The following ASAP2 variants were observed in gnomAD, a reference collection of about 807,000 sequenced individuals.
ASAP2 encodes the protein arf-GAP with SH3 domain, ANK repeat and PH domain-containing protein 2.
In ASAP2, 45 loss-of-function variants were observed where a neutral mutation model predicts 131.4. That is an observed-to-expected ratio of 0.34 (90% CI 0.27 to 0.44). ASAP2 has a LOEUF of 0.44. Ranked by LOEUF, ASAP2 falls within the 20% of genes least tolerant of loss-of-function variation. The pLI is 1.00. For missense variants in ASAP2, 1,011 were observed against 1,297.0 expected (o/e 0.78, Z 3.39); for synonymous variants, 510 against 503.0 (o/e 1.01, Z -0.19).
intron 1 of ASAP2, among the ~76,000 whole-genome samples, chr2:9,235,517 C>T (rs1427774977): frequency 6.6e-6 from 1 of 152,134 alleles, no homozygotes; most frequent in Non-Finnish European, 1.5e-5. Flanking sequence ...TCTTGTATGG[C>T]CGGAGGCTCC....
chr2:9,279,173 G>A, intron 1 of ASAP2, 144 bp from the exon 2 acceptor site: 1 of 709,902 alleles, frequency 1.4e-6, no homozygotes, highest in Non-Finnish European at 2.5e-6. Context: ...AGGTGCCGAG[G>A]GACCTGGCAG....
chr2:9,403,152 C>T (rs1676893933), intron 27 of ASAP2, 101 bp from the exon 28 acceptor site: 1 of 943,582 alleles, frequency 1.1e-6, no homozygotes, highest in Admixed American at 2.3e-5. Context: ...GTCTTCTGAA[C>T]CAATCTTGCT....
chr2:9,229,109 G>GTA (rs1662972569), intron 1 of ASAP2, among the ~76,000 whole-genome samples: 2 of 152,116 alleles, frequency 1.3e-5, no homozygotes, highest in South Asian at 4.1e-4. Flanking sequence ...GAGAAGCGGA[G>GTA]TTTTAGTACA....
chr2:9,238,810 C>G (rs894794779), intron 1 of ASAP2, among the ~76,000 whole-genome samples: 2 of 152,216 alleles, frequency 1.3e-5, no homozygotes, highest in Non-Finnish European at 2.9e-5. Context: ...GAAAGCTTCC[C>G]TCTTGCTAAC....
intron 3 of ASAP2, among the ~76,000 whole-genome samples, chr2:9,317,563 CT>C (rs1669839722): frequency 1.8e-5 from 1 of 55,818 alleles, no homozygotes; most frequent in Non-Finnish European, 4.4e-5. Context: ...CACAATCACA[CT>C]CTCACACACC....
chr2:9,307,950 G>C (rs1412025676), intron 3 of ASAP2, among the ~76,000 whole-genome samples: 1 of 152,144 alleles, frequency 6.6e-6, no homozygotes, highest in East Asian at 1.9e-4. Flanking sequence ...GTGCTTGTCT[G>C]TGTGCATGCA....
intron 3 of ASAP2, among the ~76,000 whole-genome samples, chr2:9,298,228 C>T (rs1263591517): frequency 2.0e-5 from 3 of 152,254 alleles, no homozygotes; most frequent in Admixed American, 1.3e-4. Context: ...GTAGGCCACA[C>T]ACAACAGCAT....
At chr2:9,260,205 T>G (rs992632965) in intron 1 of ASAP2, among the ~76,000 whole-genome samples, 3 of 152,180 alleles carry the variant, frequency 2.0e-5, no homozygotes, top group Admixed American at 6.5e-5. Flanking sequence ...GAGGCCCAGG[T>G]GATCAAGTAA....
At chr2:9,210,123 A>G (rs1266377774) in intron 1 of ASAP2, among the ~76,000 whole-genome samples, 2 of 152,224 alleles carry the variant, frequency 1.3e-5, no homozygotes, top group South Asian at 2.1e-4. Context: ...CAAAGGTTAT[A>G]GAGCTCTGAA....
intron 2 of ASAP2, among the ~76,000 whole-genome samples, chr2:9,287,521 G>T (rs1262486857): frequency 6.6e-6 from 1 of 152,198 alleles, no homozygotes; most frequent in Non-Finnish European, 1.5e-5. Flanking sequence ...GTACATGAAG[G>T]GCTTTCTCTG....
intron 16 of ASAP2, among the ~76,000 whole-genome samples, chr2:9,370,548 A>T (rs1266723287): frequency 6.6e-6 from 1 of 152,184 alleles, no homozygotes; most frequent in Non-Finnish European, 1.5e-5. Context: ...GAGCCATGGG[A>T]CACCGGCAGA....
intron 16 of ASAP2, among the ~76,000 whole-genome samples, chr2:9,370,849 C>T (rs533701562): frequency 6.6e-6 from 1 of 152,148 alleles, no homozygotes; most frequent in Non-Finnish European, 1.5e-5. Context: ...GCCTGAGGGT[C>T]CCGCTTGGTG....
At position 9,216,709 on chromosome 2, in the gene ASAP2, C is replaced by T. The variant is rs185965879; in HGVS notation, c.126+9479C>T. Among the ~76,000 whole-genome samples, 3 of 152,166 alleles carry T rather than the reference C, an allele frequency of 2.0e-5. No homozygotes were observed. The East Asian group carries it at 5.8e-4, about 29-fold the overall frequency. Reference sequence around the variant, plus strand: ...CTCCTGACCTCAAGTGATCCACCCACCTTGGCCTCCCAAAGTGCTGGGATT... The same window carrying T: ...CTCCTGACCTCAAGTGATCCACCCATCTTGGCCTCCCAAAGTGCTGGGATT... On this transcript the variant is annotated intron_variant, in intron 1 of 27. Transcript: ENST00000281419.
intron 16 of ASAP2, among the ~76,000 whole-genome samples, chr2:9,373,499 C>A (rs1674146435): frequency 6.6e-6 from 1 of 152,224 alleles, no homozygotes; most frequent in African/African-American, 2.4e-5. Flanking sequence ...TCAAGGGACC[C>A]CAGGGTAGAC....
At chr2:9,237,632 C>T (rs1211563250) in intron 1 of ASAP2, among the ~76,000 whole-genome samples, 3 of 151,964 alleles carry the variant, frequency 2.0e-5, no homozygotes, top group Non-Finnish European at 4.4e-5. Flanking sequence ...GTTGCCCAGG[C>T]TGGTCTCAAA....
In ASAP2 at chr2:9,385,904, C is replaced by T. The variant is rs968247040; in HGVS notation, c.2130+546C>T. Among the ~76,000 whole-genome samples, 5 of 152,248 alleles carry T rather than the reference C, an allele frequency of 3.3e-5. No individual in the cohort carries two copies. In the East Asian group the frequency reaches 9.6e-4, roughly 29 times the overall value. On this transcript the variant is annotated intron_variant, in intron 21 of 27. Coordinates refer to ENST00000281419, the MANE Select transcript of ASAP2 (RefSeq NM_003887.3). Reference sequence around the variant, plus strand: ...GCACGAAGGCTCTTGCCTCCTCCTCCAGCTCCCTTCTTACCATCCTCACTG... The same window carrying T: ...GCACGAAGGCTCTTGCCTCCTCCTCTAGCTCCCTTCTTACCATCCTCACTG...
chr2:9,376,853 C>T, intron 17 of ASAP2, 55 bp from the exon 18 acceptor site: 1 of 1,492,112 alleles, frequency 6.7e-7, no homozygotes, highest in Non-Finnish European at 9.3e-7. Flanking sequence ...CGGTGTTGGA[C>T]ACAGAATTGA....
chr2:9,373,875 A>G (rs75823118), intron 16 of ASAP2, among the ~76,000 whole-genome samples: 1,730 of 152,312 alleles, frequency 0.011, 36 homozygotes, highest in African/African-American at 0.04. Flanking sequence ...CTCTGTGACC[A>G]GTGAGCTGCT....
chr2:9,340,048 A>G (rs1196781883), intron 9 of ASAP2, among the ~76,000 whole-genome samples: 1 of 152,160 alleles, frequency 6.6e-6, no homozygotes, highest in African/African-American at 2.4e-5. Flanking sequence ...TTTGAGACAG[A>G]ATCTCCCTCT....
Sources: allele counts gnomAD v4.1 joint callset (sites outside exome capture counted in the v4.1 genomes callset), GRCh38; gene constraint gnomAD v4.1.1; transcripts MANE v1.5; gene names NCBI Gene and HGNC (gene_info 2026-07-23, HGNC 2026-07-21).